KCNMB4: variants seen among roughly 807,000 people sequenced by gnomAD.
The protein encoded by KCNMB4 is calcium-activated potassium channel subunit beta-4.
Under a neutral mutation model 20.7 loss-of-function variants are expected in KCNMB4, and 3 were observed. The observed-to-expected ratio is 0.14, with a 90% CI of 0.07 to 0.37. The LOEUF is 0.37. Among genes scored for constraint, KCNMB4 ranks in the 10% least tolerant of loss-of-function variants. KCNMB4 has a pLI of 1.00. For synonymous variants in KCNMB4, 110 were observed against 113.4 expected (o/e 0.97, Z 0.19); for missense variants, 168 against 265.9 (o/e 0.63, Z 2.56).
intron 1 of KCNMB4, among the ~76,000 whole-genome samples, chr12:70,383,435 A>G (rs1451486720): frequency 6.6e-6 from 1 of 152,174 alleles, no homozygotes. Context: ...TGCAGGAGCA[A>G]TTGCATGTCA....
chr12:70,401,636 C>CT (rs11382485), intron 2 of KCNMB4, among the ~76,000 whole-genome samples: 65,803 of 139,872 alleles, frequency 0.47, 15,270 homozygotes, highest in Non-Finnish European at 0.49. Context: ...AGCAATGACA[C>CT]TTTTTTTTTT....
intron 2 of KCNMB4, among the ~76,000 whole-genome samples, chr12:70,409,321 G>T (rs1169842150): frequency 1.3e-5 from 2 of 152,134 alleles, no homozygotes; most frequent in African/African-American, 4.8e-5. Flanking sequence ...TAGTCTGTCA[G>T]CCTTGGTCTT....
intron 1 of KCNMB4, among the ~76,000 whole-genome samples, chr12:70,393,267 A>G (rs1045903888): frequency 1.3e-5 from 2 of 152,058 alleles, no homozygotes; most frequent in Admixed American, 1.3e-4. Flanking sequence ...CAGTGGCGCG[A>G]TCTCGGCTCA....
At position 70,433,749 on chromosome 12, in the gene KCNMB4, C is replaced by T. The variant is rs189283927; in HGVS notation, c.*3096C>T. On this transcript the variant is annotated 3_prime_UTR_variant, in exon 3 of 3. Transcript: ENST00000258111. ...ATCCCTTGCCCAGCAGAAAGTGTTCCTTGGTGAAATCATGAATCTGCTATC... is the reference window on the plus strand; with the variant it reads ...ATCCCTTGCCCAGCAGAAAGTGTTCTTTGGTGAAATCATGAATCTGCTATC... 2 of 152,342 alleles carry T rather than the reference C, an allele frequency of 1.3e-5. No individual in the cohort carries two copies. The highest frequency in any genetic ancestry group is 2.9e-5 in the Non-Finnish European group (2 of 68,022). The allele number at this position is 152,342 out of a possible 1,614,324, so 9.4% of individuals were successfully genotyped here. A position where few individuals can be genotyped will look rare whatever the true frequency, so the allele number is the denominator to read the frequency against.
chr12:70,403,236 G>A (rs1445812386), intron 2 of KCNMB4, among the ~76,000 whole-genome samples: 2 of 150,108 alleles, frequency 1.3e-5, no homozygotes, highest in African/African-American at 4.9e-5. Flanking sequence ...AAATGTTTCT[G>A]AGTCATAATA....
intron 1 of KCNMB4, among the ~76,000 whole-genome samples, chr12:70,377,599 G>A (rs1211078287): frequency 9.9e-5 from 15 of 152,092 alleles, no homozygotes; most frequent in East Asian, 7.7e-4. Context: ...CTAAGACAAC[G>A]AAGTTTCCTG....
chr12:70,369,454 T>G (rs951754696), intron 1 of KCNMB4, among the ~76,000 whole-genome samples: 1 of 150,906 alleles, frequency 6.6e-6, no homozygotes, highest in African/African-American at 2.5e-5. Flanking sequence ...TTTGCCTTAC[T>G]TTACCTCTTT....
At chr12:70,376,657 G>A (rs12296251) in intron 1 of KCNMB4, among the ~76,000 whole-genome samples, 375 of 151,748 alleles carry the variant, frequency 2.5e-3, no homozygotes, top group Middle Eastern at 0.01. Flanking sequence ...CGCTTAGCCC[G>A]GGAGTTTAAG....
intron 2 of KCNMB4, among the ~76,000 whole-genome samples, chr12:70,410,663 A>G (rs551202337): frequency 1.3e-5 from 2 of 152,330 alleles, no homozygotes; most frequent in East Asian, 1.9e-4. Context: ...TAGTAAACAC[A>G]TATGCTTTTC....
intron 2 of KCNMB4, among the ~76,000 whole-genome samples, chr12:70,419,935 A>C (rs1230633331): frequency 6.6e-6 from 1 of 152,110 alleles, no homozygotes; most frequent in East Asian, 1.9e-4. Flanking sequence ...AAGGAAAGAG[A>C]AGTATTTCAT....
intron 2 of KCNMB4, among the ~76,000 whole-genome samples, chr12:70,409,652 A>G (rs1868714329): frequency 6.6e-6 from 1 of 152,226 alleles, no homozygotes; most frequent in Non-Finnish European, 1.5e-5. Flanking sequence ...GGATGCTGCT[A>G]TGAGATATTA....
intron 1 of KCNMB4, among the ~76,000 whole-genome samples, chr12:70,368,689 T>C (rs1481273041): frequency 2.0e-5 from 3 of 152,282 alleles, no homozygotes; most frequent in East Asian, 1.9e-4. Flanking sequence ...GAAGTTGTTA[T>C]AGTTGGTGAA....
intron 2 of KCNMB4, among the ~76,000 whole-genome samples, chr12:70,427,515 A>G (rs1366091689): frequency 1.3e-5 from 2 of 152,226 alleles, no homozygotes; most frequent in Non-Finnish European, 2.9e-5. Flanking sequence ...TAACATTTGC[A>G]CCTCAAAGAA....
intron 2 of KCNMB4, among the ~76,000 whole-genome samples, chr12:70,418,764 G>A (rs1489530256): frequency 6.6e-6 from 1 of 151,922 alleles, no homozygotes; most frequent in African/African-American, 2.4e-5. Flanking sequence ...TGACATTTGG[G>A]GGGATTCCTT....
intron 2 of KCNMB4, among the ~76,000 whole-genome samples, chr12:70,425,327 A>G (rs571321771): frequency 3.2e-4 from 49 of 152,018 alleles, no homozygotes; most frequent in Non-Finnish European, 6.6e-4. Flanking sequence ...AGTCCCAGCT[A>G]CTCGGGAGGC....
At chr12:70,385,440 A>G (rs967387373) in intron 1 of KCNMB4, among the ~76,000 whole-genome samples, 69 of 152,340 alleles carry the variant, frequency 4.5e-4, no homozygotes, top group African/African-American at 1.5e-3. Context: ...GTTAATGTCA[A>G]ACACCTTTCC....
In KCNMB4 at chr12:70,388,530, G is replaced by C. The variant is rs549918004; in HGVS notation, c.337-11679G>C. 8.6e-5 allele frequency among the ~76,000 whole-genome samples: 13 copies of C among 151,580 alleles called. No homozygotes were observed. In the South Asian group the frequency reaches 2.7e-3, roughly 32 times the overall value. ...TACATCCTTGCCAGCATTTGTTATT[G>C]TCTGTCTTTTGAATAAAAGCCATTT... is the stretch of plus-strand genomic sequence containing the variant. On this transcript the variant is annotated intron_variant, in intron 1 of 2. Transcript: ENST00000258111.
Position 70,404,405 on chromosome 12 carries a change from G to C in KCNMB4, c.464+4069G>C, listed in dbSNP as rs569710712. Among the ~76,000 whole-genome samples the C allele has an allele frequency of 2.6e-5, 4 of 152,306 alleles. No homozygotes were observed. The South Asian group carries it at 8.3e-4, about 32-fold the overall frequency. ...ATTTTTGAATGGTTACTGTGTGCCT[G>C]CCATTGTGAATGACATTTTGTTTAG... On this transcript the variant is annotated intron_variant, in intron 2 of 2. Coordinates refer to ENST00000258111, the MANE Select transcript of KCNMB4 (RefSeq NM_014505.6).
At chr12:70,395,960 A>C (rs1868347163) in intron 1 of KCNMB4, among the ~76,000 whole-genome samples, 1 of 152,208 alleles carries the variant, frequency 6.6e-6, no homozygotes, top group African/African-American at 2.4e-5. Flanking sequence ...GTGAAATTAC[A>C]TCCATGGCAC....
Sources: allele counts gnomAD v4.1 joint callset (sites outside exome capture counted in the v4.1 genomes callset), GRCh38; gene constraint gnomAD v4.1.1; transcripts MANE v1.5; gene names NCBI Gene and HGNC (gene_info 2026-07-23, HGNC 2026-07-21).